The following VPS35L variants were observed in gnomAD, a reference collection of about 807,000 sequenced individuals.
VPS35L encodes VPS35 endosomal protein-sorting factor-like.
VPS35L carries 83 observed loss-of-function variants against 133.0 expected under a neutral mutation model. The ratio of observed to expected loss-of-function variants is 0.62; its 90% CI spans 0.52 to 0.75. VPS35L has a LOEUF of 0.75. Ranked by LOEUF, VPS35L falls within the 30% of genes least tolerant of loss-of-function variation. VPS35L has a pLI of 0.00. For synonymous variants in VPS35L, 423 were observed against 449.9 expected (o/e 0.94, Z 0.76); for missense variants, 1,083 against 1,206.8 (o/e 0.90, Z 1.52).
At chr16:19,557,508 C>T (rs79038844) in intron 1 of VPS35L, among the ~76,000 whole-genome samples, 6,888 of 152,120 alleles carry the variant, frequency 0.045, 308 homozygotes, top group East Asian at 0.18. Flanking sequence ...CTCACTCTCC[C>T]GAGTAGCTGG....
At chr16:19,586,702 T>C (rs994256144) in intron 7 of VPS35L, among the ~76,000 whole-genome samples, 5 of 152,226 alleles carry the variant, frequency 3.3e-5, no homozygotes, top group Admixed American at 6.5e-5. Flanking sequence ...TTTGTAGTTG[T>C]ATCTAAGAAC....
rs1973660331 is a variant in VPS35L at position 19,637,577 on chromosome 16, G to T, written c.1636-17G>T. On this transcript the variant is annotated splice_polypyrimidine_tract_variant and intron_variant, in intron 19 of 30. Transcript: ENST00000417362. Reference sequence around the variant, plus strand: ...TTAAGTTTTTAAAAATAATATTTTTGTTTGTTTGTTTTACAGCTTCAGTTA... The same window carrying T: ...TTAAGTTTTTAAAAATAATATTTTTTTTTGTTTGTTTTACAGCTTCAGTTA... 6.7e-7 allele frequency: 1 copy of T among 1,482,244 alleles called. No homozygotes were observed. The allele number at this position is 1,482,244 out of a possible 1,614,324, so 91.8% of individuals were successfully genotyped here. A position where few individuals can be genotyped will look rare whatever the true frequency, so the allele number is the denominator to read the frequency against.
chr16:19,673,652 C>T (rs1329589125), intron 27 of VPS35L, among the ~76,000 whole-genome samples: 2 of 152,180 alleles, frequency 1.3e-5, no homozygotes, highest in African/African-American at 4.8e-5. Flanking sequence ...TGTGTTTTAG[C>T]TGGGGTTTAG....
intron 26 of VPS35L, among the ~76,000 whole-genome samples, chr16:19,666,611 G>A (rs903501242): frequency 6.6e-6 from 1 of 152,160 alleles, no homozygotes; most frequent in Admixed American, 6.5e-5. Flanking sequence ...GGGTGGGTGA[G>A]AGGAGCCAAG....
At chr16:19,683,486 T>G (rs1192461216) in intron 28 of VPS35L, among the ~76,000 whole-genome samples, 1 of 152,190 alleles carries the variant, frequency 6.6e-6, no homozygotes, top group African/African-American at 2.4e-5. Flanking sequence ...ATGTCTGTTG[T>G]TTCCATCTTT....
chr16:19,594,413 G>A (rs188806030), intron 8 of VPS35L, among the ~76,000 whole-genome samples: 1 of 152,190 alleles, frequency 6.6e-6, no homozygotes, highest in East Asian at 1.9e-4. Context: ...GGAGGCTGAG[G>A]TGGTTGGATC....
chr16:19,656,964 T>G (rs1222469689), intron 26 of VPS35L, among the ~76,000 whole-genome samples: 18 of 121,430 alleles, frequency 1.5e-4, no homozygotes, highest in African/African-American at 8.8e-4. Context: ...AAGAACTTGT[T>G]TTTTTTTTTT....
chr16:19,613,104 C>G (rs1050092905), intron 12 of VPS35L, among the ~76,000 whole-genome samples: 1 of 152,158 alleles, frequency 6.6e-6, no homozygotes, highest in African/African-American at 2.4e-5. Flanking sequence ...AGTTCAAGAC[C>G]AACCTGGCCA....
chr16:19,669,105 G>A, intron 26 of VPS35L, 55 bp from the exon 27 acceptor site: 13 of 1,537,410 alleles, frequency 8.5e-6, no homozygotes, highest in Non-Finnish European at 1.1e-5. Context: ...GAAGAAGAAA[G>A]CCAACTAAAT....
At chr16:19,614,536 A>C (rs1445208984) in intron 12 of VPS35L, among the ~76,000 whole-genome samples, 3 of 152,164 alleles carry the variant, frequency 2.0e-5, no homozygotes, top group Non-Finnish European at 2.9e-5. Context: ...TCAACCTCCC[A>C]GGTAGCTGGG....
At chr16:19,608,100 G>T in intron 9 of VPS35L, 78 bp from the exon 10 acceptor site, 1 of 1,039,930 alleles carries the variant, frequency 9.6e-7, no homozygotes. Context: ...CTGCTCCAGG[G>T]TAATGTATTC....
At chr16:19,629,237 G>A (rs1973369466) in intron 17 of VPS35L, among the ~76,000 whole-genome samples, 1 of 152,064 alleles carries the variant, frequency 6.6e-6, no homozygotes, top group African/African-American at 2.4e-5. Flanking sequence ...TTTCAGACCA[G>A]CCTGGACAAC....
At chr16:19,572,616 T>C (rs1971417446) in intron 3 of VPS35L, among the ~76,000 whole-genome samples, 1 of 152,204 alleles carries the variant, frequency 6.6e-6, no homozygotes, top group African/African-American at 2.4e-5. Context: ...TTTCCAACTA[T>C]CCTTTCCTTA....
At chr16:19,606,083 T>C (rs1972529455) in intron 9 of VPS35L, among the ~76,000 whole-genome samples, 1 of 152,236 alleles carries the variant, frequency 6.6e-6, no homozygotes, top group Admixed American at 6.5e-5. Flanking sequence ...AGATTCTGTA[T>C]TGGTGTATGC....
chr16:19,575,158 T>A lies in VPS35L; in HGVS notation c.433+36T>A, dbSNP rs571561751. 79 of 1,588,912 alleles carry A rather than the reference T, an allele frequency of 5.0e-5. No individual in the cohort carries two copies. The South Asian group carries it at 8.5e-4, about 17-fold the overall frequency. Reference sequence around the variant, plus strand: ...TTTGTTGTTGTTTTGATGGGAAAATTCTGGCATTACTTTTAGTATAATTTT... The same window carrying A: ...TTTGTTGTTGTTTTGATGGGAAAATACTGGCATTACTTTTAGTATAATTTT... On this transcript the variant is annotated intron_variant, in intron 5 of 30. Transcript: ENST00000417362.
chr16:19,665,740 T>C (rs557273349), intron 26 of VPS35L, among the ~76,000 whole-genome samples: 3 of 152,218 alleles, frequency 2.0e-5, no homozygotes, highest in Non-Finnish European at 4.4e-5. Context: ...TTTAGCTTTT[T>C]CAGAAACCTC....
chr16:19,678,226 C>T (rs1035086004), intron 27 of VPS35L, among the ~76,000 whole-genome samples: 2 of 152,136 alleles, frequency 1.3e-5, no homozygotes, highest in African/African-American at 4.8e-5. Flanking sequence ...AGACCAGAAA[C>T]CCAGAGGGAT....
At chr16:19,625,066 C>T (rs996348408) in intron 14 of VPS35L, among the ~76,000 whole-genome samples, 1 of 138,756 alleles carries the variant, frequency 7.2e-6, no homozygotes, top group Non-Finnish European at 1.6e-5. Context: ...AACAGTATTC[C>T]AATGAGTTAA....
chr16:19,555,878 G>A, intron 1 of VPS35L, 132 bp downstream of exon 1: 2 of 1,313,820 alleles, frequency 1.5e-6, no homozygotes, highest in Non-Finnish European at 2.1e-6. Context: ...AAGTTGTCTT[G>A]ACCGTAGAAT....
Sources: gnomAD v4.1 joint callset for allele counts (sites outside exome capture counted in the v4.1 genomes callset) on GRCh38, gnomAD v4.1.1 for gene constraint, MANE v1.5 for transcripts, NCBI Gene and HGNC (gene_info 2026-07-23, HGNC 2026-07-21) for gene names.